AKAP12: variants seen among roughly 807,000 people sequenced by gnomAD.
The protein encoded by AKAP12 is A-kinase anchor protein 12.
A neutral mutation model predicts 79.9 loss-of-function variants in AKAP12; 32 were observed. That is an observed-to-expected ratio of 0.40 (90% CI 0.30 to 0.54). The LOEUF is 0.54. Ranked by LOEUF, AKAP12 falls within the 20% of genes least tolerant of loss-of-function variation. The probability of loss-of-function intolerance (pLI) is 0.48; values close to 1 mark genes in which losing one functional copy is unlikely to be tolerated. For synonymous variants in AKAP12, 808 were observed against 857.0 expected, an observed-to-expected ratio of 0.94 and a Z score of 1.00; for missense variants, 2,074 against 2,177.0, an observed-to-expected ratio of 0.95 and a Z score of 0.94.
intron 3 of AKAP12, among the ~76,000 whole-genome samples, chr6:151,327,729 A>G (rs80264616): frequency 0.012 from 1,902 of 152,290 alleles, 34 homozygotes; most frequent in African/African-American, 0.044. Flanking sequence ...AGTGGGAAGG[A>G]CTAACTTTTA....
At chr6:151,311,694 G>A (rs1019981603) in intron 3 of AKAP12, among the ~76,000 whole-genome samples, 20 of 152,080 alleles carry the variant, frequency 1.3e-4, no homozygotes, top group East Asian at 3.8e-4. Context: ...TTCTAATGGC[G>A]CTTAATGTCA....
intron 3 of AKAP12, among the ~76,000 whole-genome samples, chr6:151,312,198 C>T (rs756125657): frequency 1.2e-4 from 18 of 152,156 alleles, no homozygotes; most frequent in Admixed American, 2.0e-4. Flanking sequence ...AGCCCAGGTG[C>T]GGTGACTTAC....
chr6:151,353,832 C>A, intron 4 of AKAP12, 80 bp downstream of exon 4: 1 of 960,370 alleles, frequency 1.0e-6, no homozygotes, highest in Non-Finnish European at 1.5e-6. Context: ...GAATCGGGAG[C>A]AAATAATTAA....
Position 151,350,570 on chromosome 6 carries a change from G to A in AKAP12, c.2179G>A (p.Gly727Arg), listed in dbSNP as rs764814782. ...AGKDKETGTD[G>R]ILAGSQEHDP... ...AAAAGACAAAGAGACGGGGACAGAC[G>A]GGATCCTTGCTGGTTCCCAAGAACA... is the stretch of plus-strand genomic sequence containing the variant. Residue 727 changes from glycine (G) to arginine (R), a missense_variant, in exon 4 of 5, where the codon GGG becomes AGG. Transcript: ENST00000402676. This position sits in a 1 kb window ranked among gnomAD's most constrained non-coding sequence, Gnocchi z 4.8. The A allele has an allele frequency of 2.0e-5, 33 of 1,614,116 alleles. No homozygotes were observed. The Admixed American group carries it at 2.5e-4, about 12-fold the overall frequency.
chr6:151,278,085 A>T (rs1357744903), intron 2 of AKAP12, among the ~76,000 whole-genome samples: 1 of 152,174 alleles, frequency 6.6e-6, no homozygotes, highest in Non-Finnish European at 1.5e-5. Context: ...TGTATCACTT[A>T]AGGTAGTAGG....
At chr6:151,273,468 G>T (rs1456580069) in intron 2 of AKAP12, among the ~76,000 whole-genome samples, 1 of 152,176 alleles carries the variant, frequency 6.6e-6, no homozygotes, top group Non-Finnish European at 1.5e-5. Flanking sequence ...CTGTGAAATG[G>T]TGACTTTCTC....
At chr6:151,323,609 G>T in intron 3 of AKAP12, 1 of 691,330 alleles carries the variant, frequency 1.4e-6, no homozygotes, top group Non-Finnish European at 1.8e-6. Context: ...GTCATAAAAA[G>T]AAATGTTTCA....
rs765859539 is a variant in AKAP12 at position 151,349,136 on chromosome 6, C to G, written c.745C>G (p.His249Asp). ...AGAGACCCTGAAGCGTGAGCAAAGC[C>G]ACGCAGAAATTTCTCCCCCAGCCGA... The part of the protein sequence containing the change: ...PEETLKREQS[H>D]AEISPPAESG... Residue 249 changes from histidine (H) to aspartate (D), a missense_variant, in exon 4 of 5, where the codon CAC becomes GAC. Around this residue, in one of 3 missense-constraint regions of AKAP12, gnomAD observed 1,428 missense variants for 1,451.0 expected, o/e 0.98. Coordinates refer to ENST00000402676, the MANE Select transcript of AKAP12 (RefSeq NM_005100.4). 18 of 1,613,784 alleles carry G rather than the reference C, an allele frequency of 1.1e-5. No individual in the cohort carries two copies. The highest frequency in any genetic ancestry group is 1.5e-5 in the Non-Finnish European group (18 of 1,180,004).
intron 2 of AKAP12, among the ~76,000 whole-genome samples, chr6:151,268,510 T>G (rs1776102437): frequency 1.3e-5 from 2 of 152,204 alleles, no homozygotes; most frequent in Admixed American, 1.3e-4. Context: ...TAAAACTAGA[T>G]TTAGCATGAA....
In AKAP12 at chr6:151,240,729, G is replaced by A. The variant is rs1744681579; in HGVS notation, c.162+5G>A. On this transcript the variant is annotated splice_donor_5th_base_variant and intron_variant, in intron 2 of 4. Coordinates refer to ENST00000402676, the MANE Select transcript of AKAP12 (RefSeq NM_005100.4). ...GCCTCGGACCCCGCCACCAAGGTAC[G>A]GGCGTGCCGGGCCACCTGCGCCGGG... The A allele has an allele frequency of 8.0e-7, 1 of 1,255,072 alleles. No homozygotes were observed. The highest frequency in any genetic ancestry group is 1.0e-6 in the Non-Finnish European group (1 of 1,002,372). 77.7% of individuals were successfully genotyped at this position (1,255,072 alleles called of 1,614,324 possible).
chr6:151,305,226 T>C (rs1187063652), intron 2 of AKAP12, among the ~76,000 whole-genome samples: 1 of 152,036 alleles, frequency 6.6e-6, no homozygotes, highest in Admixed American at 6.6e-5. Context: ...CTGTTTATTG[T>C]TATTTGTTCT....
At chr6:151,305,318 T>C (rs1776955411) in intron 2 of AKAP12, among the ~76,000 whole-genome samples, 1 of 152,224 alleles carries the variant, frequency 6.6e-6, no homozygotes. Flanking sequence ...ACTTGTTCAG[T>C]CAATTATGCT....
At chr6:151,294,463 G>A (rs1224864071) in intron 2 of AKAP12, among the ~76,000 whole-genome samples, 2 of 152,140 alleles carry the variant, frequency 1.3e-5, no homozygotes, top group Non-Finnish European at 2.9e-5. Context: ...TCAGAGACTT[G>A]GTCTAGGATT....
In AKAP12 at chr6:151,248,965, C is replaced by T. The variant is rs552269088; in HGVS notation, c.162+8241C>T. Among the ~76,000 whole-genome samples, 5 of 151,386 alleles carry T rather than the reference C, an allele frequency of 3.3e-5. No homozygotes were observed. The South Asian group carries it at 1.1e-3, about 32-fold the overall frequency. ...CCGCATCATTGCACTCCAGCCTGGG[C>T]GACAGAGCAAGACTCTGTCTCAAAA... On this transcript the variant is annotated intron_variant, in intron 2 of 4. Coordinates refer to ENST00000402676, the MANE Select transcript of AKAP12 (RefSeq NM_005100.4).
intron 2 of AKAP12, among the ~76,000 whole-genome samples, chr6:151,259,468 A>ATGTG (rs377343962): frequency 1.3e-4 from 17 of 135,352 alleles, no homozygotes; most frequent in Admixed American, 3.1e-4. Context: ...ACATATATAC[A>ATGTG]TGTATATATA....
Position 151,291,616 on chromosome 6 carries a change from G to T in AKAP12, c.163-14131G>T, listed in dbSNP as rs568529391. Among the ~76,000 whole-genome samples, 4 of 152,304 alleles carry T rather than the reference G, an allele frequency of 2.6e-5. 1 individual carries two copies. The South Asian group carries it at 8.3e-4, about 32-fold the overall frequency. Reference sequence around the variant, plus strand: ...CAGGAGGCTGCTTGTATTCCGTGGCGCAGGGAGCTAAGCACACACGTCAGA... The same window carrying T: ...CAGGAGGCTGCTTGTATTCCGTGGCTCAGGGAGCTAAGCACACACGTCAGA... On this transcript the variant is annotated intron_variant, in intron 2 of 4. Coordinates refer to ENST00000402676, the MANE Select transcript of AKAP12 (RefSeq NM_005100.4).
rs898680830 is a variant in AKAP12 at position 151,288,436 on chromosome 6, C to T, written c.163-17311C>T. Among the ~76,000 whole-genome samples, 20 of 152,080 alleles carry T rather than the reference C, an allele frequency of 1.3e-4. No individual in the cohort carries two copies. The East Asian group carries it at 1.4e-3, about 10-fold the overall frequency. ...GGAGGCTGAGAGGCAGGTTGAACCC[C>T]GGGAGGCGGAGGCTACAGTGAGCTG... is the stretch of plus-strand genomic sequence containing the variant. On this transcript the variant is annotated intron_variant, in intron 2 of 4. Coordinates refer to ENST00000402676, the MANE Select transcript of AKAP12 (RefSeq NM_005100.4).
intron 2 of AKAP12, among the ~76,000 whole-genome samples, chr6:151,241,826 CAA>C (rs59482970): frequency 0.23 from 28,700 of 123,706 alleles, 3,094 homozygotes; most frequent in East Asian, 0.5. Context: ...TTACAATATG[CAA>C]AAAAAAAAAA....
At chr6:151,306,613 T>C (rs1400152013) in intron 3 of AKAP12, among the ~76,000 whole-genome samples, 2 of 152,316 alleles carry the variant, frequency 1.3e-5, no homozygotes, top group African/African-American at 4.8e-5. Context: ...ATTCGTGTAA[T>C]ATGAATAAGA....
Sources: allele counts gnomAD v4.1 joint callset (sites outside exome capture counted in the v4.1 genomes callset), GRCh38; gene constraint gnomAD v4.1.1; regional missense constraint gnomAD v4.1.1; non-coding constraint Gnocchi (gnomAD v3.1); transcripts MANE v1.5; gene names NCBI Gene and HGNC (gene_info 2026-07-23, HGNC 2026-07-21).